LTA4H: variants seen among roughly 807,000 people sequenced by gnomAD.
LTA4H encodes leukotriene A4 hydrolase.
A neutral mutation model predicts 89.8 loss-of-function variants in LTA4H; 59 were observed. The ratio of observed to expected loss-of-function variants is 0.66; its 90% CI spans 0.53 to 0.82. LTA4H has a LOEUF of 0.82. LTA4H is among the 40% of genes least tolerant of loss of function. The pLI is 0.00. For synonymous variants in LTA4H, 227 were observed against 253.1 expected (o/e 0.90, Z 0.98); for missense variants, 617 against 727.0 (o/e 0.85, Z 1.74).
At chr12:96,015,251 G>T (rs886553985) in intron 11 of LTA4H, 39 of 478,570 alleles carry the variant, frequency 8.1e-5, no homozygotes, top group Admixed American at 6.1e-4. Context: ...CTAGAAAAAT[G>T]ATTTAATGCC....
At chr12:96,016,754 A>G (rs1950381662) in intron 10 of LTA4H, among the ~76,000 whole-genome samples, 2 of 151,730 alleles carry the variant, frequency 1.3e-5, no homozygotes, top group Non-Finnish European at 2.9e-5. Context: ...ACAAAAAATT[A>G]GCTGGGCGTG....
rs186479560 is a variant in LTA4H at position 96,009,420 on chromosome 12, C to T, written c.1380-272G>A. 80 of 452,012 alleles carry T rather than the reference C, an allele frequency of 1.8e-4. 2 individuals are homozygous for T. The East Asian group carries it at 2.2e-3, about 12-fold the overall frequency. The allele number at this position is 452,012 out of a possible 1,614,324, so 28.0% of individuals were successfully genotyped here. A position where few individuals can be genotyped will look rare whatever the true frequency, so the allele number is the denominator to read the frequency against. ...CCTCAGCAAAAGACTGTCATGTGCT[C>T]GAGTAGTATATGCTAAAGTAGTTGG... is the stretch of plus-strand genomic sequence containing the variant. On this transcript the variant is annotated intron_variant, in intron 14 of 18. Coordinates refer to ENST00000228740, the MANE Select transcript of LTA4H (RefSeq NM_000895.3).
In LTA4H at chr12:96,013,180, GTACT is replaced by G. The variant is rs768367182; in HGVS notation, c.1379+4_1379+7del. 2.5e-6 allele frequency: 4 copies of G among 1,609,648 alleles called. No homozygotes were observed. Among genetic ancestry groups the G allele is most frequent in the African/African-American group, 2.7e-5 (2 of 74,806 alleles). ...TGAGAAGGAAAGCATTAGCAGGCAA[GTACT>G]TACTTGGGCTTTATGGGAGGCAGTC... On this transcript the variant is annotated splice_donor_5th_base_variant and intron_variant, in intron 14 of 18. Coordinates refer to ENST00000228740, the MANE Select transcript of LTA4H (RefSeq NM_000895.3).
At chr12:96,025,827 CAAAAA>C (rs63528861) in intron 3 of LTA4H, among the ~76,000 whole-genome samples, 1 of 116,098 alleles carries the variant, frequency 8.6e-6, no homozygotes. Context: ...ACCCTGTCTC[CAAAAA>C]AAAAAAAAAA....
At chr12:96,036,040 G>A (rs1363209965), upstream of LTA4H, among the ~76,000 whole-genome samples, 5 of 152,190 alleles carry the variant, frequency 3.3e-5, no homozygotes, top group Admixed American at 1.3e-4. Context: ...GTATAGTGGT[G>A]AGTATCCCCG....
At chr12:96,037,166 T>G (rs943692707), upstream of LTA4H, among the ~76,000 whole-genome samples, 3 of 152,176 alleles carry the variant, frequency 2.0e-5, no homozygotes, top group African/African-American at 7.2e-5. Flanking sequence ...TTTGGACATA[T>G]GAAATTTGAG....
At chr12:96,036,797 A>G (rs1950651315), upstream of LTA4H, among the ~76,000 whole-genome samples, 1 of 152,212 alleles carries the variant, frequency 6.6e-6, no homozygotes, top group Non-Finnish European at 1.5e-5. Flanking sequence ...CTGGGAAGAA[A>G]AGGGGTTTAA....
At chr12:96,009,242 C>G in intron 14 of LTA4H, 94 bp from the exon 15 acceptor site, 1 of 807,000 alleles carries the variant, frequency 1.2e-6, no homozygotes, top group South Asian at 1.6e-5. Context: ...TTCAAAGTCC[C>G]TTTTAAATAA....
At chr12:96,012,789 C>T (rs1276889042) in intron 14 of LTA4H, 1 of 166,412 alleles carries the variant, frequency 6.0e-6, no homozygotes. Flanking sequence ...TTACTACTCA[C>T]TAGCTGTGCA....
chr12:96,001,771 A>AT (rs1315169966), intron 18 of LTA4H, among the ~76,000 whole-genome samples: 1 of 152,168 alleles, frequency 6.6e-6, no homozygotes, highest in African/African-American at 2.4e-5. Flanking sequence ...AGGATTAGTC[A>AT]TTTTTAATGT....
intron 1 of LTA4H, among the ~76,000 whole-genome samples, chr12:96,030,632 T>C (rs1421146231): frequency 1.3e-5 from 2 of 152,210 alleles, no homozygotes; most frequent in African/African-American, 4.8e-5. Context: ...ACTTTTCCTT[T>C]CTTTCCACTA....
intron 15 of LTA4H, 69 bp from the exon 16 acceptor site, chr12:96,006,478 A>C: frequency 1.2e-6 from 1 of 845,494 alleles, no homozygotes; most frequent in Non-Finnish European, 1.8e-6. Context: ...TTTATCTGAC[A>C]TAAAAGTAAA....
rs1950626471 is a variant in LTA4H at position 96,035,284 on chromosome 12, C to G, written c.159+77G>C. ...GGCCGCGGCGGGGTGAGCCGGAGAT[C>G]CGGGAGCCCGCAAGGACTAGGGTCG... is the stretch of plus-strand genomic sequence containing the variant. On this transcript the variant is annotated intron_variant, in intron 1 of 18. Coordinates refer to ENST00000228740, the MANE Select transcript of LTA4H (RefSeq NM_000895.3). 4.8e-6 allele frequency: 7 copies of G among 1,451,622 alleles called. No homozygotes were observed. The East Asian group carries it at 1.5e-4, about 31-fold the overall frequency. The allele number at this position is 1,451,622 out of a possible 1,614,324, so 89.9% of individuals were successfully genotyped here.
chr12:96,038,679 G>A (rs145959461), upstream of LTA4H, among the ~76,000 whole-genome samples: 81 of 151,244 alleles, frequency 5.4e-4, no homozygotes, highest in East Asian at 0.012. Flanking sequence ...ACACAGAGCC[G>A]CAAACATTTT....
intron 14 of LTA4H, chr12:96,011,902 C>A (rs1268852637): frequency 6.6e-6 from 1 of 150,526 alleles, no homozygotes; most frequent in Non-Finnish European, 1.5e-5. Flanking sequence ...TATGGCACTT[C>A]TTAATGAAGT....
Position 96,000,786 on chromosome 12 carries a change from C to A in LTA4H, c.*203G>T. On this transcript the variant is annotated 3_prime_UTR_variant, in exon 19 of 19. Coordinates refer to ENST00000228740, the MANE Select transcript of LTA4H (RefSeq NM_000895.3). ...ATTCAAAATTTTTTAATTTGTAAAT[C>A]AAAAGATTAAACCTTGTTAAAATTT... 5.1e-6 allele frequency: 2 copies of A among 390,206 alleles called. No homozygotes were observed. The highest frequency in any genetic ancestry group is 5.5e-5 in the South Asian group (1 of 18,320). 24.2% of individuals were successfully genotyped at this position (390,206 alleles called of 1,614,324 possible). A position where few individuals can be genotyped will look rare whatever the true frequency, so the allele number is the denominator to read the frequency against.
chr12:96,017,592 G>T lies in LTA4H; in HGVS notation c.853-12C>A, dbSNP rs200686429. ...GACTTGTCGCCTGCCTACAAAAAAA[G>T]AAAATTACCTTAGTATTTTAGTAAT... On this transcript the variant is annotated splice_polypyrimidine_tract_variant and intron_variant, in intron 8 of 18. Transcript: ENST00000228740. 64 of 1,603,146 alleles carry T rather than the reference G, an allele frequency of 4.0e-5. 1 individual carries two copies. The African/African-American group carries it at 7.4e-4, about 18-fold the overall frequency.
chr12:96,007,570 T>C (rs1053941097), intron 15 of LTA4H, among the ~76,000 whole-genome samples: 2 of 152,186 alleles, frequency 1.3e-5, no homozygotes, highest in Non-Finnish European at 2.9e-5. Context: ...TTTGCATTTA[T>C]TTACTATTTA....
At chr12:96,025,375 T>C (rs1206530735) in intron 3 of LTA4H, 2 of 152,232 alleles carry the variant, frequency 1.3e-5, no homozygotes, top group Non-Finnish European at 2.9e-5. Flanking sequence ...GTTGCTGTAA[T>C]CCTGACACTT....
Sources: gnomAD v4.1 joint callset for allele counts (sites outside exome capture counted in the v4.1 genomes callset) on GRCh38, gnomAD v4.1.1 for gene constraint, MANE v1.5 for transcripts, NCBI Gene and HGNC (gene_info 2026-07-23, HGNC 2026-07-21) for gene names.